The following SPANXN1 variants were observed in gnomAD, a reference collection of about 807,000 sequenced individuals.
The protein encoded by SPANXN1 is SPANX family member N1.
In SPANXN1, 1 loss-of-function variant was observed where a neutral mutation model predicts 2.0. The observed-to-expected ratio is 0.50, with a 90% CI of 0.18 to 2.36. The LOEUF (loss-of-function observed/expected upper bound fraction) is 2.36, where lower values mean the gene tolerates loss of function less well. Among genes scored for constraint, SPANXN1 ranks in the 30% most tolerant of loss-of-function variants. The pLI, the probability that SPANXN1 is intolerant of heterozygous loss-of-function variation, is 0.26. For missense variants in SPANXN1, 55 were observed against 51.8 expected (o/e 1.06, Z -0.19); for synonymous variants, 27 against 21.3 (o/e 1.27, Z -0.74).
At chrX:145,248,307 G>A (rs1217528704) in intron 1 of SPANXN1, among the ~76,000 whole-genome samples, 1 of 111,451 alleles carries the variant, frequency 9.0e-6, no homozygotes, top group Non-Finnish European at 1.9e-5. Flanking sequence ...GTTGCTGGGT[G>A]GCTGCCTGGA....
intron 1 of SPANXN1, among the ~76,000 whole-genome samples, chrX:145,255,396 C>A (rs1395156065): frequency 9.0e-6 from 1 of 111,445 alleles, no homozygotes; most frequent in African/African-American, 3.3e-5. Flanking sequence ...ATGTTTCTCA[C>A]GGCCTGAACC....
At chrX:145,248,832 G>A (rs2070772962) in intron 1 of SPANXN1, among the ~76,000 whole-genome samples, 2 of 111,743 alleles carry the variant, frequency 1.8e-5, no homozygotes, top group African/African-American at 6.5e-5. Context: ...AGCCACTGTG[G>A]TCCTTACAGG....
chrX:145,252,471 C>T (rs1417334412), intron 1 of SPANXN1, among the ~76,000 whole-genome samples: 3 of 110,519 alleles, frequency 2.7e-5, no homozygotes, highest in South Asian at 3.9e-4. Flanking sequence ...GGAGAGTTGA[C>T]GGGCTTGAGA....
chrX:145,250,580 GT>G (rs1839245711), intron 1 of SPANXN1, among the ~76,000 whole-genome samples: 1 of 111,909 alleles, frequency 8.9e-6, no homozygotes, highest in African/African-American at 3.3e-5. Context: ...AGTTCAGAAG[GT>G]TTTTTAAACT....
In SPANXN1 at chrX:145,255,759, G is replaced by C. The variant is rs782446807; in HGVS notation, c.164G>C (p.Cys55Ser). 2.4e-5 allele frequency: 29 copies of C among 1,210,741 alleles called. No homozygotes were observed. In the Admixed American group the frequency reaches 6.1e-4, roughly 25 times the overall value. Reference protein sequence around the residue: ...TSEYSTVLAFCYRKAKKIHSN... With the variant: ...TSEYSTVLAFSYRKAKKIHSN... ...GAATATTCAACAGTATTAGCGTTTT[G>C]CTACAGGAAAGCTAAGAAAATACAT... The change falls in exon 2 of 2, where the codon TGC becomes TCC. Residue 55 changes from cysteine to serine, a missense_variant. Coordinates refer to ENST00000370493, the MANE Select transcript of SPANXN1 (RefSeq NM_001009614.3).
intron 1 of SPANXN1, among the ~76,000 whole-genome samples, chrX:145,249,904 G>C (rs1352392073): frequency 2.3e-4 from 25 of 111,036 alleles, no homozygotes; most frequent in African/African-American, 8.2e-4. Flanking sequence ...CCATATAGAA[G>C]GGGGAGAAAA....
rs376051189 is a variant in SPANXN1 at position 145,247,615 on chromosome X, G to T, written c.29G>T (p.Gly10Val). Residue 10 changes from glycine (G) to valine (V), a missense_variant, in exon 1 of 2, where the codon GGG (glycine) becomes GTG (valine). Transcript: ENST00000370493. The stretch of plus-strand genomic sequence containing the variant: ...GAACAGCCCACTTCAAGCATCAATG[G>T]GGAGAAGAGGAAGAGCCCCTGTGAA... MEQPTSSINGEKRKSPCESN... is the reference protein window; with the variant it reads MEQPTSSINVEKRKSPCESN... 1 of 1,210,849 alleles carries T rather than the reference G, an allele frequency of 8.3e-7. No homozygotes were observed. The highest frequency in any genetic ancestry group is 1.1e-6 in the Non-Finnish European group (1 of 894,911).
rs371668087 is a variant in SPANXN1, at chrX:145,247,796, G to A, written c.75+135G>A. Reference sequence around the variant, plus strand: ...GACCCGCTTAATGCCAGAGCCCACCGCCGCTTACAGCCTGGGGTGCTTGTA... The same window carrying A: ...GACCCGCTTAATGCCAGAGCCCACCACCGCTTACAGCCTGGGGTGCTTGTA... On this transcript the variant is annotated intron_variant, in intron 1 of 1. Coordinates refer to ENST00000370493, the MANE Select transcript of SPANXN1 (RefSeq NM_001009614.3). The A allele has an allele frequency of 2.4e-4, 187 of 773,021 alleles. 1 individual carries two copies. Among genetic ancestry groups the A allele is most frequent in the South Asian group, 2.0e-3 (83 of 41,462 alleles). 63.7% of individuals were successfully genotyped at this position (773,021 alleles called of 1,213,427 possible).
rs115563919 is a variant in SPANXN1, at chrX:145,252,195, G to C, written c.76-3476G>C. ...CCCTGTGGGAGTATAATCCATGTTA[G>C]TTGGGTGGACATGTGAGTATTAGGA... On this transcript the variant is annotated intron_variant, in intron 1 of 1. Transcript: ENST00000370493. 8.5e-3 allele frequency among the ~76,000 whole-genome samples: 953 copies of C among 111,817 alleles called. 15 individuals carry two copies. Among genetic ancestry groups the C allele is most frequent in the African/African-American group, 0.03 (916 of 30,722 alleles).
rs369399476 is a variant in SPANXN1 at position 145,254,604 on chromosome X, G to T, written c.76-1067G>T. Among the ~76,000 whole-genome samples, 4 of 112,479 alleles carry T rather than the reference G, an allele frequency of 3.6e-5. No individual in the cohort carries two copies. In the East Asian group the frequency reaches 8.5e-4, roughly 24 times the overall value. On this transcript the variant is annotated intron_variant, in intron 1 of 1. Coordinates refer to ENST00000370493, the MANE Select transcript of SPANXN1 (RefSeq NM_001009614.3). ...CGGCCAGAGTGGCAAGCATTCTGAG[G>T]CTGTCCCCTGAGAAGGGAGGCTGCG...
chrX:145,250,503 A>G (rs1454401166), intron 1 of SPANXN1, among the ~76,000 whole-genome samples: 1 of 111,486 alleles, frequency 9.0e-6, no homozygotes, highest in Non-Finnish European at 1.9e-5. Flanking sequence ...GAGGAAGAAT[A>G]TATGTATGTT....
chrX:145,249,149 A>G (rs868946316), intron 1 of SPANXN1, among the ~76,000 whole-genome samples: 1 of 110,914 alleles, frequency 9.0e-6, no homozygotes, highest in Non-Finnish European at 1.9e-5. Flanking sequence ...ATTTTCGACC[A>G]GGTTTATGTG....
At chrX:145,248,332 C>A (rs1415403007) in intron 1 of SPANXN1, among the ~76,000 whole-genome samples, 1 of 111,018 alleles carries the variant, frequency 9.0e-6, no homozygotes, top group Non-Finnish European at 1.9e-5. Context: ...GGAGTTTAGC[C>A]TTCGGGAGAT....
At chrX:145,248,797 G>C (rs190902830) in intron 1 of SPANXN1, among the ~76,000 whole-genome samples, 196 of 111,359 alleles carry the variant, frequency 1.8e-3, no homozygotes, top group Non-Finnish European at 2.8e-3. Flanking sequence ...GGAGAGAGAG[G>C]GGGAAATGGG....
At chrX:145,254,576 G>A (rs1156614954) in intron 1 of SPANXN1, among the ~76,000 whole-genome samples, 1 of 112,442 alleles carries the variant, frequency 8.9e-6, no homozygotes, top group Non-Finnish European at 1.9e-5. Flanking sequence ...CCAGAGGCCG[G>A]AGCGGCCAGA....
intron 1 of SPANXN1, among the ~76,000 whole-genome samples, chrX:145,255,439 C>A (rs1182726434): frequency 9.0e-6 from 1 of 111,275 alleles, no homozygotes; most frequent in South Asian, 3.8e-4. Flanking sequence ...CCAAGGTCTG[C>A]AAAATGGCAA....
rs1208701350 is a variant in SPANXN1, at chrX:145,255,519, A to G, written c.76-152A>G. On this transcript the variant is annotated intron_variant, in intron 1 of 1. Coordinates refer to ENST00000370493, the MANE Select transcript of SPANXN1 (RefSeq NM_001009614.3). ...CCATGCTCCTCTTCTTCTTCCCCAT[A>G]GATCCCTACCCTATGATTCAACCTT... 28 of 840,117 alleles carry G rather than the reference A, an allele frequency of 3.3e-5. No individual in the cohort carries two copies. In the African/African-American group the frequency reaches 5.3e-4, roughly 16 times the overall value. 69.2% of individuals were successfully genotyped at this position (840,117 alleles called of 1,213,427 possible). A position where few individuals can be genotyped will look rare whatever the true frequency, so the allele number is the denominator to read the frequency against.
intron 1 of SPANXN1, among the ~76,000 whole-genome samples, chrX:145,249,426 A>G (rs1556882231): frequency 2.7e-5 from 3 of 111,158 alleles, no homozygotes; most frequent in African/African-American, 6.6e-5. Flanking sequence ...AAATTGGCAT[A>G]GACTATCCAG....
At chrX:145,252,970 A>G (rs189237704) in intron 1 of SPANXN1, among the ~76,000 whole-genome samples, 149 of 111,433 alleles carry the variant, frequency 1.3e-3, no homozygotes, top group Non-Finnish European at 1.6e-3. Flanking sequence ...TAGTTGTCCT[A>G]TTGAGCATCC....
Sources: allele counts gnomAD v4.1 joint callset (sites outside exome capture counted in the v4.1 genomes callset), GRCh38; gene constraint gnomAD v4.1.1; transcripts MANE v1.5; gene names NCBI Gene and HGNC (gene_info 2026-07-23, HGNC 2026-07-21).